LARP1: variants seen among roughly 807,000 people sequenced by gnomAD.
LARP1 encodes the protein la-related protein 1.
Under a neutral mutation model 122.7 loss-of-function variants are expected in LARP1, and 36 were observed. The ratio of observed to expected loss-of-function variants is 0.29; its 90% confidence interval spans 0.22 to 0.39. The LOEUF is 0.39. Ranked by LOEUF, LARP1 falls within the 10% of genes least tolerant of loss-of-function variation. The probability of loss-of-function intolerance (pLI) is 1.00; values close to 1 mark genes in which losing one functional copy is unlikely to be tolerated. For missense variants in LARP1, 1,040 were observed against 1,403.6 expected (o/e 0.74, Z 4.14); for synonymous variants, 539 against 528.7 (o/e 1.02, Z -0.27).
At chr5:154,731,766 A>C (rs897218052) in intron 1 of LARP1, among the ~76,000 whole-genome samples, 7 of 152,166 alleles carry the variant, frequency 4.6e-5, no homozygotes, top group Non-Finnish European at 7.3e-5. Flanking sequence ...GGGGTGGCTC[A>C]CGTCTGTAAT....
At chr5:154,772,395 G>A (rs1755511104) in intron 1 of LARP1, among the ~76,000 whole-genome samples, 1 of 152,132 alleles carries the variant, frequency 6.6e-6, no homozygotes, top group Non-Finnish European at 1.5e-5. Flanking sequence ...TCAAGTGTGT[G>A]TAAGAGTATA....
upstream of LARP1, among the ~76,000 whole-genome samples, chr5:154,752,871 G>C (rs951845783): frequency 6.6e-6 from 1 of 151,954 alleles, no homozygotes; most frequent in South Asian, 2.1e-4. Flanking sequence ...CCCGGGAGGC[G>C]GAGGTTGCAG....
chr5:154,728,038 A>G (rs761657772), intron 1 of LARP1, among the ~76,000 whole-genome samples: 5 of 152,242 alleles, frequency 3.3e-5, no homozygotes, highest in Non-Finnish European at 7.3e-5. Flanking sequence ...ACTGCACTCC[A>G]GCCTAGACAA....
chr5:154,726,292 A>C (rs1161464070), intron 1 of LARP1, among the ~76,000 whole-genome samples: 1 of 152,194 alleles, frequency 6.6e-6, no homozygotes, highest in Non-Finnish European at 1.5e-5. Context: ...GTAGAAGCAA[A>C]AGTTAAAATA....
upstream of LARP1, among the ~76,000 whole-genome samples, chr5:154,709,476 C>T (rs930440180): frequency 6.6e-6 from 1 of 152,108 alleles, no homozygotes; most frequent in African/African-American, 2.4e-5. Flanking sequence ...GCAATGAACC[C>T]ATAATTTAAG....
chr5:154,760,553 C>A (rs1023416389), intron 1 of LARP1, among the ~76,000 whole-genome samples: 1 of 152,162 alleles, frequency 6.6e-6, no homozygotes, highest in Non-Finnish European at 1.5e-5. Context: ...TATAATGGAG[C>A]AGCCAGACAT....
At chr5:154,683,484 C>G (rs1420378645) in intron 1 of LARP1, among the ~76,000 whole-genome samples, 6 of 152,194 alleles carry the variant, frequency 3.9e-5, no homozygotes, top group Admixed American at 6.5e-5. Flanking sequence ...TAGCCTATTT[C>G]TGAGTGGGGA....
intron 1 of LARP1, among the ~76,000 whole-genome samples, chr5:154,741,932 C>G (rs936736576): frequency 6.6e-6 from 1 of 152,200 alleles, no homozygotes; most frequent in African/African-American, 2.4e-5. Flanking sequence ...CCCAGCCCAG[C>G]TTTTCCTTGT....
chr5:154,751,252 T>G (rs1753472837), upstream of LARP1, among the ~76,000 whole-genome samples: 1 of 152,156 alleles, frequency 6.6e-6, no homozygotes. Flanking sequence ...AACCCCACTC[T>G]GATAGTTAGC....
chr5:154,740,623 C>T (rs1473202239), intron 1 of LARP1, among the ~76,000 whole-genome samples: 1 of 152,182 alleles, frequency 6.6e-6, no homozygotes, highest in Admixed American at 6.5e-5. Context: ...GGAATTCCAC[C>T]CAGGCAGCCT....
At chr5:154,699,132 G>A (rs1754603055) in intron 1 of LARP1, among the ~76,000 whole-genome samples, 1 of 152,172 alleles carries the variant, frequency 6.6e-6, no homozygotes, top group South Asian at 2.1e-4. Flanking sequence ...GGGCTTATCT[G>A]ACTATTCCTG....
At chr5:154,709,598 A>ATTT (rs60062105), upstream of LARP1, among the ~76,000 whole-genome samples, 7 of 81,362 alleles carry the variant, frequency 8.6e-5, 1 homozygote, top group East Asian at 7.8e-4. Flanking sequence ...CTCCAGTGAG[A>ATTT]TTTTTTTTTT....
chr5:154,712,878 A>G, exon 1 of LARP1: 1 of 1,546,078 alleles, frequency 6.5e-7, no homozygotes, highest in Non-Finnish European at 8.9e-7. Context: ...ATCTGGATGT[A>G]CCTAAACCCT....
intron 1 of LARP1, among the ~76,000 whole-genome samples, chr5:154,763,517 A>C: frequency 6.6e-6 from 1 of 150,742 alleles, no homozygotes. Context: ...AGTGGCTCAC[A>C]CCTGTAATCC....
intron 1 of LARP1, among the ~76,000 whole-genome samples, chr5:154,764,595 C>CAAAA (rs1158921641): frequency 6.2e-4 from 28 of 44,854 alleles, no homozygotes; most frequent in South Asian, 2.5e-3. Flanking sequence ...GACCATGTCT[C>CAAAA]AAAAAAAAAA....
chr5:154,725,462 G>A (rs1043774459), intron 1 of LARP1, among the ~76,000 whole-genome samples: 3 of 151,322 alleles, frequency 2.0e-5, no homozygotes, highest in Admixed American at 2.0e-4. Context: ...AGGTAGAAGG[G>A]TTGCTTGAGT....
intron 1 of LARP1, among the ~76,000 whole-genome samples, chr5:154,741,505 T>C (rs547970658): frequency 6.6e-6 from 1 of 152,258 alleles, no homozygotes; most frequent in Non-Finnish European, 1.5e-5. Context: ...TCAACCAGGC[T>C]GATCAAGGGT....
intron 3 of LARP1, chr5:154,791,819 G>T: frequency 2.8e-6 from 1 of 359,414 alleles, no homozygotes; most frequent in Non-Finnish European, 5.9e-6. Context: ...TTAAAGTCCT[G>T]TGTATAAGTG....
chr5:154,694,242 T>A (rs4958385), intron 1 of LARP1, among the ~76,000 whole-genome samples: 101,213 of 152,000 alleles, frequency 0.67, 33,952 homozygotes, highest in Non-Finnish European at 0.7. Context: ...AAGGACCACG[T>A]TTTTATTTTT....
Sources: allele counts gnomAD v4.1 joint callset (sites outside exome capture counted in the v4.1 genomes callset), GRCh38; gene constraint gnomAD v4.1.1; transcripts MANE v1.5; gene names NCBI Gene and HGNC (gene_info 2026-07-23, HGNC 2026-07-21).